LOC728743: variants seen among roughly 807,000 people sequenced by gnomAD.
At chr7:150,402,608 CAA>C in the LOC728743 span, among the ~76,000 whole-genome samples, 2 of 152,214 alleles carry the variant, frequency 1.3e-5, no homozygotes, top group African/African-American at 2.4e-5. Context: ...GTGGGGAAAA[CAA>C]AAGTGTGCTA....
At chr7:150,407,830 C>T in the LOC728743 span, 1 of 414,930 alleles carries the variant, frequency 2.4e-6, no homozygotes, top group Non-Finnish European at 4.3e-6. Flanking sequence ...GTCCCGAGTG[C>T]GGCAAGGCCT....
At chr7:150,402,039 T>C in the LOC728743 span, among the ~76,000 whole-genome samples, 5 of 152,358 alleles carry the variant, frequency 3.3e-5, no homozygotes, top group Non-Finnish European at 5.9e-5. Flanking sequence ...AAGTAACTTA[T>C]GTAAAGCATG....
At chr7:150,408,089 T>G in the LOC728743 span, 1 of 376,652 alleles carries the variant, frequency 2.7e-6, no homozygotes, top group Non-Finnish European at 4.7e-6. Flanking sequence ...CCCCGGCGTC[T>G]TCGGGGAGCG....
At chr7:150,409,882 G>C in the LOC728743 span, among the ~76,000 whole-genome samples, 1 of 152,162 alleles carries the variant, frequency 6.6e-6, no homozygotes, top group Admixed American at 6.5e-5. Context: ...CCACTCCCAG[G>C]TGCTGTAGAC....
chr7:150,407,808 C>T, the LOC728743 span: 3 of 407,068 alleles, frequency 7.4e-6, no homozygotes, highest in South Asian at 3.2e-4. Context: ...GGCCGCGCGG[C>T]TGCCTTCGTG....
the LOC728743 span, chr7:150,405,446 T>G: frequency 5.9e-5 from 9 of 151,366 alleles, no homozygotes; most frequent in African/African-American, 2.2e-4. Flanking sequence ...GCGCAGGTCC[T>G]TTCCGGGAGT....
At chr7:150,404,369 C>G in the LOC728743 span, 2 of 152,216 alleles carry the variant, frequency 1.3e-5, no homozygotes, top group South Asian at 4.1e-4. Flanking sequence ...TGCAGTGGAA[C>G]ACAAGCTGGG....
the LOC728743 span, chr7:150,408,133 C>G: frequency 4.4e-5 from 17 of 387,726 alleles, no homozygotes; most frequent in South Asian, 1.2e-3. Flanking sequence ...GCGGCAAGAG[C>G]TTCGCGCGCG....
the LOC728743 span, chr7:150,407,707 A>G: frequency 1.3e-5 from 5 of 399,446 alleles, no homozygotes; most frequent in Admixed American, 8.8e-5. Flanking sequence ...ACCACCCTGC[A>G]GAGGAGCAGC....
chr7:150,409,674 G>C, the LOC728743 span, among the ~76,000 whole-genome samples: 1 of 152,238 alleles, frequency 6.6e-6, no homozygotes, highest in East Asian at 1.9e-4. Context: ...CTGGGGCAGG[G>C]GTGTTAGGGG....
the LOC728743 span, among the ~76,000 whole-genome samples, chr7:150,402,786 G>A: frequency 7.2e-5 from 11 of 152,196 alleles, no homozygotes; most frequent in Non-Finnish European, 1.2e-4. Flanking sequence ...TGGAGGATGC[G>A]GGGAGCAGGG....
At chr7:150,401,697 T>A in the LOC728743 span, among the ~76,000 whole-genome samples, 1 of 152,214 alleles carries the variant, frequency 6.6e-6, no homozygotes, top group Non-Finnish European at 1.5e-5. Flanking sequence ...AAACAGGCTG[T>A]TCAACAGGGG....
the LOC728743 span, chr7:150,410,279 A>T: frequency 7.5e-6 from 3 of 398,438 alleles, no homozygotes; most frequent in Admixed American, 1.3e-4. Context: ...GGACACATCC[A>T]GTAAGAAGAC....
At chr7:150,403,053 G>A in the LOC728743 span, among the ~76,000 whole-genome samples, 1 of 152,218 alleles carries the variant, frequency 6.6e-6, no homozygotes, top group Non-Finnish European at 1.5e-5. The surrounding 1 kb of genome is among the most constrained non-coding windows in gnomAD (Gnocchi z 5.1). Context: ...CAGAATAGTG[G>A]TGATCCCTGT....
chr7:150,408,415 TCTGG>T, the LOC728743 span: 12 of 355,976 alleles, frequency 3.4e-5, no homozygotes, highest in Middle Eastern at 7.4e-4. Context: ...CTCGGGACCC[TCTGG>T]CTGGCTGCGC....
chr7:150,411,717 C>T, the LOC728743 span: 1 of 152,280 alleles, frequency 6.6e-6, no homozygotes, highest in Non-Finnish European at 1.5e-5. Context: ...AGAAGGTGCT[C>T]CCAGCCCCAG....
chr7:150,406,658 C>T, the LOC728743 span, among the ~76,000 whole-genome samples: 1 of 152,030 alleles, frequency 6.6e-6, no homozygotes, highest in Non-Finnish European at 1.5e-5. Context: ...GTTGTGAGGA[C>T]AATGGGAAAC....
At chr7:150,403,151 C>T in the LOC728743 span, among the ~76,000 whole-genome samples, 8 of 152,028 alleles carry the variant, frequency 5.3e-5, no homozygotes, top group Non-Finnish European at 8.8e-5. This position sits in a 1 kb window ranked among gnomAD's most constrained non-coding sequence, Gnocchi z 5.1. Flanking sequence ...TCGTGCTTGC[C>T]GCAGCACCTA....
At chr7:150,409,125 A>G in the LOC728743 span, among the ~76,000 whole-genome samples, 1 of 99,742 alleles carries the variant, frequency 1.0e-5, no homozygotes, top group African/African-American at 3.8e-5. Flanking sequence ...GCAAGTGTGT[A>G]GAAGGGTGTT....
Sources: allele counts gnomAD v4.1 joint callset (sites outside exome capture counted in the v4.1 genomes callset), GRCh38; gene constraint gnomAD v4.1.1; non-coding constraint Gnocchi (gnomAD v3.1); transcripts MANE v1.5.